RBFOX1: variants seen among roughly 807,000 people sequenced by gnomAD.
RBFOX1 encodes RNA binding protein fox-1 homolog 1.
A neutral mutation model predicts 57.7 loss-of-function variants in RBFOX1; 8 were observed. That is an observed-to-expected ratio of 0.14 (90% CI 0.08 to 0.25). The LOEUF is 0.25. RBFOX1 is among the 10% of genes least tolerant of loss of function. RBFOX1 has a pLI of 1.00. For synonymous variants in RBFOX1, 326 were observed against 222.4 expected (o/e 1.47, Z -4.15); for missense variants, 611 against 548.5 (o/e 1.11, Z -1.14).
At chr16:6,486,799 T>G (rs549135580) in intron 2 of RBFOX1, among the ~76,000 whole-genome samples, 1 of 152,228 alleles carries the variant, frequency 6.6e-6, no homozygotes, top group African/African-American at 2.4e-5. Flanking sequence ...TGCAGGGTTG[T>G]GTGTTTGTGT....
At chr16:6,772,375 C>T (rs777788741) in intron 3 of RBFOX1, among the ~76,000 whole-genome samples, 1 of 152,072 alleles carries the variant, frequency 6.6e-6, no homozygotes, top group African/African-American at 2.4e-5. Context: ...CAGCTGTCTG[C>T]TTCTTTGGAG....
chr16:6,909,083 A>G (rs774930578), intron 3 of RBFOX1, among the ~76,000 whole-genome samples: 3 of 152,186 alleles, frequency 2.0e-5, no homozygotes, highest in Non-Finnish European at 4.4e-5. Flanking sequence ...AACAACACAA[A>G]TGTATTTTCT....
intron 3 of RBFOX1, among the ~76,000 whole-genome samples, chr16:5,682,582 C>A (rs1393514490): frequency 6.6e-6 from 1 of 152,148 alleles, no homozygotes; most frequent in Non-Finnish European, 1.5e-5. Flanking sequence ...CCTTGTGAAC[C>A]TGGGAGGAAG....
Position 6,916,838 on chromosome 16 carries a change from ATTTG to A in RBFOX1, c.-15-135211_-15-135208del, listed in dbSNP as rs1394129205. 4.0e-5 allele frequency among the ~76,000 whole-genome samples: 6 copies of A among 151,376 alleles called. No individual in the cohort carries two copies. The East Asian group carries it at 9.8e-4, about 25-fold the overall frequency. Reference sequence around the variant, plus strand: ...ATTTGTACCTTGATCTTGTTTTTTTATTTGTTTGTTTTTGTTTTTTTGTGTGTAT... The same window carrying A: ...ATTTGTACCTTGATCTTGTTTTTTTATTTGTTTTTGTTTTTTTGTGTGTAT... On this transcript the variant is annotated intron_variant, in intron 3 of 15. Transcript: ENST00000550418.
chr16:6,478,409 ATATATATATATATATATATATTTTTTT>A (rs1774748782), intron 2 of RBFOX1, among the ~76,000 whole-genome samples: 1 of 30,700 alleles, frequency 3.3e-5, no homozygotes, highest in African/African-American at 2.6e-4. Context: ...ATATATATAT[ATATATATATATATATATATATTTTTTT>A]TTTTTTTTTT....
At chr16:7,367,038 C>T (rs1268734931) in intron 4 of RBFOX1, among the ~76,000 whole-genome samples, 1 of 151,874 alleles carries the variant, frequency 6.6e-6, no homozygotes, top group African/African-American at 2.4e-5. Context: ...TGGCTTGATT[C>T]CCTCCCCCAA....
intron 3 of RBFOX1, among the ~76,000 whole-genome samples, chr16:7,031,681 G>C (rs567296407): frequency 6.6e-6 from 1 of 152,098 alleles, no homozygotes. Flanking sequence ...TGGGATTGGC[G>C]AGATAATCCA....
intron 4 of RBFOX1, among the ~76,000 whole-genome samples, chr16:7,074,119 A>G (rs1186688824): frequency 6.6e-6 from 1 of 152,198 alleles, no homozygotes; most frequent in African/African-American, 2.4e-5. Context: ...TGTCTCTTTT[A>G]AGGAAATGTT....
At chr16:5,975,893 C>A (rs938728852) in intron 4 of RBFOX1, among the ~76,000 whole-genome samples, 1 of 152,088 alleles carries the variant, frequency 6.6e-6, no homozygotes, top group African/African-American at 2.4e-5. Context: ...TTCCTATAAT[C>A]CCAGTACTTT....
chr16:6,995,873 C>G (rs924603724), intron 3 of RBFOX1, among the ~76,000 whole-genome samples: 3 of 152,180 alleles, frequency 2.0e-5, no homozygotes, highest in Admixed American at 6.5e-5. Context: ...GTATCTGATT[C>G]TCTGCATCCT....
chr16:6,988,737 TTTTTTGTTTGTTTGTTTTTTG>T (rs1299652564), intron 3 of RBFOX1, among the ~76,000 whole-genome samples: 4 of 68,264 alleles, frequency 5.9e-5, no homozygotes, highest in South Asian at 4.5e-4. Flanking sequence ...GCTAATTTTT[TTTTTTGTTTGTTTGTTTTTTG>T]TTTTTTGTTT....
At chr16:7,577,462 C>T (rs2093427404) in intron 5 of RBFOX1, among the ~76,000 whole-genome samples, 1 of 152,238 alleles carries the variant, frequency 6.6e-6, no homozygotes, top group East Asian at 1.9e-4. Flanking sequence ...TTGGAATAGC[C>T]TCAGTCCTTT....
At chr16:6,439,711 G>C (rs539365764) in intron 2 of RBFOX1, among the ~76,000 whole-genome samples, 3 of 152,228 alleles carry the variant, frequency 2.0e-5, no homozygotes, top group African/African-American at 4.8e-5. Context: ...ATATCTTCTA[G>C]AGGGGTAGAC....
intron 3 of RBFOX1, among the ~76,000 whole-genome samples, chr16:6,802,928 T>C (rs1270587254): frequency 3.9e-5 from 6 of 152,206 alleles, no homozygotes; most frequent in African/African-American, 1.4e-4. Flanking sequence ...TAGGGTTAAA[T>C]ATTTATTGAA....
At chr16:6,450,075 C>T (rs547432324) in intron 2 of RBFOX1, among the ~76,000 whole-genome samples, 5 of 152,086 alleles carry the variant, frequency 3.3e-5, no homozygotes, top group African/African-American at 4.8e-5. Context: ...ACAGGCATGC[C>T]TTTTGTGCCT....
rs528222211 is a variant in RBFOX1 at position 5,432,318 on chromosome 16, G to A, written c.220-34898G>A. Reference sequence around the variant, plus strand: ...AGGCAGGCCTCGCCGCAAGAAGCCTGTTGTTGCCGCTAACCAAATTAGTCA... The same window carrying A: ...AGGCAGGCCTCGCCGCAAGAAGCCTATTGTTGCCGCTAACCAAATTAGTCA... On this transcript the variant is annotated intron_variant, in intron 1 of 2. Coordinates refer to the RBFOX1 transcript ENST00000585867. Among the ~76,000 whole-genome samples, 6 of 116,396 alleles carry A rather than the reference G, an allele frequency of 5.2e-5. No individual in the cohort carries two copies. In the East Asian group the frequency reaches 1.7e-3, roughly 32 times the overall value. The allele number at this position is 116,396 out of a possible 152,430, so 76.4% of individuals were successfully genotyped here. A position where few individuals can be genotyped will look rare whatever the true frequency, so the allele number is the denominator to read the frequency against.
At chr16:5,872,215 G>C (rs1419437864) in intron 4 of RBFOX1, among the ~76,000 whole-genome samples, 1 of 152,200 alleles carries the variant, frequency 6.6e-6, no homozygotes, top group African/African-American at 2.4e-5. Context: ...TGAGAACCTA[G>C]CACATTTAAC....
intron 2 of RBFOX1, among the ~76,000 whole-genome samples, chr16:5,472,688 T>G (rs1056959595): frequency 1.3e-5 from 2 of 152,170 alleles, no homozygotes; most frequent in African/African-American, 4.8e-5. Context: ...GCGCCTTCCC[T>G]GTTTGAGAGG....
At chr16:5,344,768 A>G (rs2065104508) in intron 1 of RBFOX1, among the ~76,000 whole-genome samples, 1 of 152,334 alleles carries the variant, frequency 6.6e-6, no homozygotes, top group African/African-American at 2.4e-5. Context: ...AAAGTAAACA[A>G]AATTATCCAA....
Sources: gnomAD v4.1 joint callset for allele counts (sites outside exome capture counted in the v4.1 genomes callset) on GRCh38, gnomAD v4.1.1 for gene constraint, MANE v1.5 for transcripts, NCBI Gene and HGNC (gene_info 2026-07-23, HGNC 2026-07-21) for gene names.